NTM: variants seen among roughly 807,000 people sequenced by gnomAD.
NTM encodes the protein neurotrimin, also known as IgLON family member 2.
Under a neutral mutation model 42.1 loss-of-function variants are expected in NTM, and 13 were observed. The ratio of observed to expected loss-of-function variants is 0.31; its 90% confidence interval spans 0.20 to 0.49. The LOEUF is 0.49. Among genes scored for constraint, NTM ranks in the 20% least tolerant of loss-of-function variants. The pLI, the probability that NTM is intolerant of heterozygous loss-of-function variation, is 0.99. For synonymous variants in NTM, 187 were observed against 179.2 expected (o/e 1.04, Z -0.35); for missense variants, 373 against 452.8 (o/e 0.82, Z 1.60).
chr11:131,875,151 T>A (rs2048355654), intron 1 of NTM, among the ~76,000 whole-genome samples: 1 of 152,250 alleles, frequency 6.6e-6, no homozygotes, highest in Admixed American at 6.5e-5. Flanking sequence ...ATGGGTTTAA[T>A]ACTTTCTCCT....
chr11:132,152,255 G>T (rs2072105161), intron 3 of NTM, among the ~76,000 whole-genome samples: 1 of 152,192 alleles, frequency 6.6e-6, no homozygotes, highest in South Asian at 2.1e-4. Context: ...GGCTCCCGGA[G>T]AGCTCTGCAG....
At chr11:131,854,943 G>A (rs904619076) in intron 1 of NTM, among the ~76,000 whole-genome samples, 4 of 151,824 alleles carry the variant, frequency 2.6e-5, no homozygotes, top group Non-Finnish European at 5.9e-5. Flanking sequence ...GAGTGAGGGT[G>A]GAAATGCAGG....
intron 1 of NTM, among the ~76,000 whole-genome samples, chr11:131,482,324 G>C (rs1953692318): frequency 6.6e-6 from 1 of 152,218 alleles, no homozygotes; most frequent in South Asian, 2.1e-4. Context: ...GTAGTGTATA[G>C]CAGATCTCAA....
At chr11:131,452,833 G>C (rs181939760) in intron 1 of NTM, among the ~76,000 whole-genome samples, 21 of 152,244 alleles carry the variant, frequency 1.4e-4, no homozygotes, top group Admixed American at 9.8e-4. Flanking sequence ...GATTTTTATC[G>C]CTCAGATGAC....
chr11:132,132,964 C>A (rs2067101631), intron 2 of NTM, among the ~76,000 whole-genome samples: 1 of 152,188 alleles, frequency 6.6e-6, no homozygotes, highest in Non-Finnish European at 1.5e-5. Flanking sequence ...TCAAAATGTT[C>A]ATTGCAAAAT....
chr11:131,622,763 C>T (rs2062707209), intron 1 of NTM, among the ~76,000 whole-genome samples: 1 of 152,146 alleles, frequency 6.6e-6, no homozygotes, highest in Non-Finnish European at 1.5e-5. Context: ...TGTTCCCCTC[C>T]CTGACAAGAG....
At chr11:132,050,231 G>A (rs916452158) in intron 2 of NTM, among the ~76,000 whole-genome samples, 2 of 152,154 alleles carry the variant, frequency 1.3e-5, no homozygotes, top group African/African-American at 4.8e-5. Flanking sequence ...CAAGCTAATA[G>A]TTACCCAGCC....
intron 7 of NTM, among the ~76,000 whole-genome samples, chr11:132,319,858 G>A (rs567837175): frequency 6.6e-6 from 1 of 152,334 alleles, no homozygotes; most frequent in East Asian, 1.9e-4. Flanking sequence ...CCTAACGGGA[G>A]GCACCCCCCA....
intron 3 of NTM, among the ~76,000 whole-genome samples, chr11:132,174,440 G>C (rs1294350225): frequency 6.6e-6 from 1 of 152,230 alleles, no homozygotes; most frequent in Non-Finnish European, 1.5e-5. Context: ...AGTTAAGAAT[G>C]TACCTTGCTA....
At chr11:131,567,344 G>A (rs537578127) in intron 1 of NTM, among the ~76,000 whole-genome samples, 13 of 152,160 alleles carry the variant, frequency 8.5e-5, no homozygotes, top group South Asian at 2.1e-4. Flanking sequence ...AAAATTAGCC[G>A]GGCGTGATGG....
intron 1 of NTM, among the ~76,000 whole-genome samples, chr11:131,692,818 G>A (rs2074954560): frequency 6.6e-6 from 1 of 152,124 alleles, no homozygotes; most frequent in Non-Finnish European, 1.5e-5. Context: ...GGCAAAAAAG[G>A]GGTTAAAAAG....
intron 2 of NTM, among the ~76,000 whole-genome samples, chr11:132,061,770 T>C (rs755523918): frequency 6.6e-6 from 1 of 152,116 alleles, no homozygotes; most frequent in Non-Finnish European, 1.5e-5. Flanking sequence ...GCATCTTCTG[T>C]ATTTGTGTGG....
intron 2 of NTM, among the ~76,000 whole-genome samples, chr11:131,952,514 ACT>A (rs1254357578): frequency 6.6e-6 from 1 of 151,578 alleles, no homozygotes; most frequent in Non-Finnish European, 1.5e-5. Flanking sequence ...TTATTTACAC[ACT>A]CTCTCTCTCA....
intron 1 of NTM, among the ~76,000 whole-genome samples, chr11:131,429,821 G>A (rs2442100): frequency 2.6e-5 from 4 of 152,192 alleles, no homozygotes; most frequent in Non-Finnish European, 4.4e-5. Flanking sequence ...TACCATAAAC[G>A]TTTCCTGGTC....
intron 1 of NTM, among the ~76,000 whole-genome samples, chr11:131,797,610 G>T (rs929964324): frequency 2.0e-5 from 3 of 152,174 alleles, no homozygotes; most frequent in African/African-American, 7.2e-5. Flanking sequence ...ATATTGAAAA[G>T]TAATCACACA....
chr11:131,709,191 G>A (rs1198150577), intron 1 of NTM, among the ~76,000 whole-genome samples: 1 of 152,118 alleles, frequency 6.6e-6, no homozygotes, highest in Non-Finnish European at 1.5e-5. Flanking sequence ...AGGAGGGGAA[G>A]AGAGGTAACT....
At chr11:131,974,071 C>A (rs1254799867) in intron 2 of NTM, among the ~76,000 whole-genome samples, 4 of 58,698 alleles carry the variant, frequency 6.8e-5, no homozygotes, top group African/African-American at 2.6e-4. Flanking sequence ...ATAACATTTT[C>A]TTTTCTCTAG....
At chr11:131,698,562 A>G (rs2075731465) in intron 1 of NTM, among the ~76,000 whole-genome samples, 1 of 152,116 alleles carries the variant, frequency 6.6e-6, no homozygotes, top group Non-Finnish European at 1.5e-5. Flanking sequence ...TAAAAACCAG[A>G]CATTTCCCAT....
At chr11:132,275,449 G>C (rs1484825636) in intron 4 of NTM, among the ~76,000 whole-genome samples, 1 of 151,726 alleles carries the variant, frequency 6.6e-6, no homozygotes, top group Non-Finnish European at 1.5e-5. Flanking sequence ...TTTCTAGTAA[G>C]GACTTAATGA....
Sources: gnomAD v4.1 joint callset for allele counts (sites outside exome capture counted in the v4.1 genomes callset) on GRCh38, gnomAD v4.1.1 for gene constraint, MANE v1.5 for transcripts, NCBI Gene and HGNC (gene_info 2026-07-23, HGNC 2026-07-21) for gene names.